Variants in RIMBP2 observed in about 807,000 individuals in gnomAD.
The protein encoded by RIMBP2 is RIMS-binding protein 2.
In RIMBP2, 48 loss-of-function variants were observed where a neutral mutation model predicts 118.6. That is an observed-to-expected ratio of 0.40 (90% CI 0.32 to 0.51). The LOEUF is 0.51. Among genes scored for constraint, RIMBP2 ranks in the 20% least tolerant of loss-of-function variants. The probability of loss-of-function intolerance (pLI) is 0.41; values close to 1 mark genes in which losing one functional copy is unlikely to be tolerated. For missense variants in RIMBP2, 1,551 were observed against 1,768.3 expected, an observed-to-expected ratio of 0.88 and a Z score of 2.20; for synonymous variants, 762 against 742.9, an observed-to-expected ratio of 1.03 and a Z score of -0.42.
In RIMBP2 at chr12:130,450,366, C is replaced by A; in HGVS notation, c.505-90G>T. 3.1e-6 allele frequency: 3 copies of A among 978,182 alleles called. No individual in the cohort carries two copies. Among genetic ancestry groups the A allele is most frequent in the Non-Finnish European group, 4.8e-6 (3 of 625,670 alleles). The allele number at this position is 978,182 out of a possible 1,614,324, so 60.6% of individuals were successfully genotyped here. On this transcript the variant is annotated intron_variant, in intron 8 of 22. Coordinates refer to ENST00000690449, the MANE Select transcript of RIMBP2 (RefSeq NM_001393629.1). The surrounding 1 kb of genome is among the most constrained non-coding windows in gnomAD (Gnocchi z 4.8). ...CACACGGGAAAGCCCCTCGCAGCTT[C>A]CTGGGCCCCAGGAGGGACGGCCTGA...
chr12:130,633,642 CA>C (rs1017850160), intron 1 of RIMBP2, among the ~76,000 whole-genome samples: 1 of 152,210 alleles, frequency 6.6e-6, no homozygotes, highest in African/African-American at 2.4e-5. Flanking sequence ...GGGGTTATCA[CA>C]ACCCCTTGAG....
intron 10 of RIMBP2, among the ~76,000 whole-genome samples, chr12:130,444,510 C>T (rs73152910): frequency 0.034 from 5,134 of 152,304 alleles, 139 homozygotes; most frequent in Middle Eastern, 0.088. Flanking sequence ...GCAGTTGAAA[C>T]ATGTAGGGAA....
chr12:130,671,822 G>T (rs369610724), intron 1 of RIMBP2, among the ~76,000 whole-genome samples: 44 of 148,898 alleles, frequency 3.0e-4, no homozygotes, highest in African/African-American at 9.8e-4. Context: ...TTTAATGATT[G>T]CCTGAAATGG....
At chr12:130,456,823 T>C in intron 6 of RIMBP2, 123 bp from the exon 7 acceptor site, 1 of 660,446 alleles carries the variant, frequency 1.5e-6, no homozygotes, top group Admixed American at 3.0e-5. Flanking sequence ...TACACACGTG[T>C]TGTGTCTGTG....
At chr12:130,527,283 C>T (rs2052903335) in intron 2 of RIMBP2, among the ~76,000 whole-genome samples, 1 of 152,210 alleles carries the variant, frequency 6.6e-6, no homozygotes, top group African/African-American at 2.4e-5. Context: ...AATAAAGGGA[C>T]TGGCACTAAA....
intron 1 of RIMBP2, among the ~76,000 whole-genome samples, chr12:130,632,757 T>A (rs546388082): frequency 1.3e-5 from 2 of 152,340 alleles, no homozygotes; most frequent in South Asian, 4.1e-4. Context: ...GTTAAAGGAT[T>A]TGTGGGGCTG....
rs1288126248 is a variant in RIMBP2 at position 130,623,668 on chromosome 12, C to T, written c.-217+4654G>A. Among the ~76,000 whole-genome samples, 1 of 152,172 alleles carries T rather than the reference C, an allele frequency of 6.6e-6. No individual in the cohort carries two copies. The highest frequency in any genetic ancestry group is 1.5e-5 in the Non-Finnish European group (1 of 68,038). ...AACTCCATGCACACCAAGCTGGTTA[C>T]CACCAACACCTGCATTTCTGTGCCT... On this transcript the variant is annotated intron_variant, in intron 2 of 22. Transcript: ENST00000690449. The surrounding 1 kb of genome is among the most constrained non-coding windows in gnomAD (Gnocchi z 4.1).
At chr12:130,471,545 A>G (rs1257143995) in intron 5 of RIMBP2, among the ~76,000 whole-genome samples, 2 of 152,016 alleles carry the variant, frequency 1.3e-5, no homozygotes, top group African/African-American at 4.8e-5. Context: ...GTTTCAAAAG[A>G]CCCATGGAGG....
intron 2 of RIMBP2, among the ~76,000 whole-genome samples, chr12:130,547,687 G>A (rs184250912): frequency 8.2e-4 from 125 of 152,290 alleles, no homozygotes; most frequent in Non-Finnish European, 1.6e-3. Flanking sequence ...ATCAGGACAC[G>A]GCTGCATCAT....
chr12:130,516,016 C>A (rs569254356), intron 3 of RIMBP2, among the ~76,000 whole-genome samples: 6 of 152,132 alleles, frequency 3.9e-5, no homozygotes, highest in Non-Finnish European at 7.3e-5. Flanking sequence ...AATTCTTATA[C>A]CAGGATTGGG....
In RIMBP2 at chr12:130,560,611, A is replaced by T. The variant is rs1218312142; in HGVS notation, c.-216-42694T>A. Among the ~76,000 whole-genome samples, 4 of 152,076 alleles carry T rather than the reference A, an allele frequency of 2.6e-5. No individual in the cohort carries two copies. In the East Asian group the frequency reaches 7.7e-4, roughly 29 times the overall value. ...CTTTCCCCATAACACAGCAACGCTG[A>T]CTCCTCGCGTGGCCAAGCTGCGCCT... On this transcript the variant is annotated intron_variant, in intron 2 of 22. Transcript: ENST00000690449.
At chr12:130,522,397 A>C (rs1399297638) in intron 2 of RIMBP2, among the ~76,000 whole-genome samples, 1 of 152,216 alleles carries the variant, frequency 6.6e-6, no homozygotes, top group Admixed American at 6.5e-5. Flanking sequence ...CCCCAGTCTT[A>C]GAGGGCAGCT....
At chr12:130,522,798 C>G (rs1472764729) in intron 2 of RIMBP2, among the ~76,000 whole-genome samples, 1 of 152,066 alleles carries the variant, frequency 6.6e-6, no homozygotes, top group Non-Finnish European at 1.5e-5. Flanking sequence ...TTGCATCTCC[C>G]CAAATTCGTA....
chr12:130,567,575 G>C (rs759618354), intron 2 of RIMBP2, among the ~76,000 whole-genome samples: 39 of 152,304 alleles, frequency 2.6e-4, no homozygotes, highest in Non-Finnish European at 4.3e-4. Flanking sequence ...TCTTTGTCCA[G>C]TTGCCCCCCA....
chr12:130,516,000 C>A lies in RIMBP2; in HGVS notation c.-127+1828G>T, dbSNP rs536816096. ...GGTGTGAGCCACCACACGTGACTGC[C>A]TTTTCAATTCTTATACCAGGATTGG... On this transcript the variant is annotated intron_variant, in intron 3 of 22. Coordinates refer to ENST00000690449, the MANE Select transcript of RIMBP2 (RefSeq NM_001393629.1). 2.6e-5 allele frequency among the ~76,000 whole-genome samples: 4 copies of A among 152,276 alleles called. No homozygotes were observed. The East Asian group carries it at 7.7e-4, about 29-fold the overall frequency.
chr12:130,512,152 A>G (rs542702754), intron 3 of RIMBP2, among the ~76,000 whole-genome samples: 2 of 152,302 alleles, frequency 1.3e-5, no homozygotes, highest in East Asian at 3.9e-4. Flanking sequence ...CCGGTAGCCC[A>G]GAAGACAGCC....
chr12:130,567,706 C>T (rs2057329115), intron 2 of RIMBP2, among the ~76,000 whole-genome samples: 1 of 152,346 alleles, frequency 6.6e-6, no homozygotes, highest in South Asian at 2.1e-4. Context: ...CGGCCAACAC[C>T]CCTTTCAGGG....
rs2081294648 is a variant in RIMBP2, at chr12:130,474,789, C to T, written c.103-4046G>A. The stretch of plus-strand genomic sequence containing the variant: ...CACAGCTCAAAGGAGGCCACGACTG[C>T]ACTCCGGGTCCCAGCCCGGACACGC... On this transcript the variant is annotated intron_variant, in intron 5 of 22. Transcript: ENST00000690449. Among the ~76,000 whole-genome samples the T allele has an allele frequency of 2.6e-5, 4 of 152,196 alleles. No homozygotes were observed. The South Asian group carries it at 8.3e-4, about 32-fold the overall frequency.
Position 130,407,749 on chromosome 12 carries a change from T to C in RIMBP2, c.3670A>G (p.Ser1224Gly). 1 of 1,614,036 alleles carries C rather than the reference T, an allele frequency of 6.2e-7. No homozygotes were observed. The highest frequency in any genetic ancestry group is 8.5e-7 in the Non-Finnish European group (1 of 1,179,940). The change falls in exon 20 of 23, where the codon AGC (serine) becomes GGC (glycine). Residue 1224 changes from serine (S) to glycine (G), a missense_variant. Coordinates refer to ENST00000690449, the MANE Select transcript of RIMBP2 (RefSeq NM_001393629.1). Reference protein sequence around the residue: ...VALYDYDPRESSPNVDVEAEL... With the variant: ...VALYDYDPREGSPNVDVEAEL... ...ACCTCGACATCGACGTTGGGCGAGC[T>C]TTCTCTGGGGTCGTAGTCATACAGG...
Sources: allele counts gnomAD v4.1 joint callset (sites outside exome capture counted in the v4.1 genomes callset), GRCh38; gene constraint gnomAD v4.1.1; non-coding constraint Gnocchi (gnomAD v3.1); transcripts MANE v1.5; gene names NCBI Gene and HGNC (gene_info 2026-07-23, HGNC 2026-07-21).